The following ADAMTS18 variants were observed in gnomAD, a reference collection of about 807,000 sequenced individuals.
The protein encoded by ADAMTS18 is ADAM metallopeptidase with thrombospondin type 1 motif 18, also known as A disintegrin and metalloproteinase with thrombospondin motifs 18.
Under a neutral mutation model 165.9 loss-of-function variants are expected in ADAMTS18, and 157 were observed. The observed-to-expected ratio is 0.95, with a 90% CI of 0.83 to 1.08. The LOEUF (loss-of-function observed/expected upper bound fraction) is 1.08. Among genes scored for constraint, ADAMTS18 ranks in the 50% least tolerant of loss-of-function variants. The pLI is 0.00. For missense variants in ADAMTS18, 2,040 were observed against 1,534.0 expected (o/e 1.33, Z -5.51); for synonymous variants, 782 against 578.2 (o/e 1.35, Z -5.06).
At chr16:77,380,529 A>C (rs2057015653) in intron 3 of ADAMTS18, among the ~76,000 whole-genome samples, 1 of 152,244 alleles carries the variant, frequency 6.6e-6, no homozygotes, top group African/African-American at 2.4e-5. Context: ...ACCTCTAAGA[A>C]ACTCTTTTTA....
intron 3 of ADAMTS18, among the ~76,000 whole-genome samples, chr16:77,425,688 G>A (rs1212804916): frequency 6.6e-6 from 1 of 152,200 alleles, no homozygotes; most frequent in African/African-American, 2.4e-5. Context: ...CTTAGGAATT[G>A]CTCTTTTAGC....
intron 3 of ADAMTS18, among the ~76,000 whole-genome samples, chr16:77,388,283 G>A (rs942066446): frequency 6.6e-6 from 1 of 151,896 alleles, no homozygotes; most frequent in Admixed American, 6.6e-5. Flanking sequence ...TATTTTTATT[G>A]GAGATGGGGT....
intron 11 of ADAMTS18, among the ~76,000 whole-genome samples, chr16:77,341,305 G>C (rs2056393753): frequency 6.6e-6 from 1 of 152,116 alleles, no homozygotes; most frequent in African/African-American, 2.4e-5. Flanking sequence ...GACAGCTCCT[G>C]TGAGTTGAGC....
chr16:77,314,769 TATATATATA>T lies in ADAMTS18; in HGVS notation c.2532+5071_2532+5079del, dbSNP rs1265620933. ...CTCAGGTTTCATATATATATATATATATATATATATATATATAAAATATATGTGATATGC... is the reference window on the plus strand; with the variant it reads ...CTCAGGTTTCATATATATATATATATTATATATAAAATATATGTGATATGC... On this transcript the variant is annotated intron_variant, in intron 16 of 22. Transcript: ENST00000282849. Among the ~76,000 whole-genome samples, 42 of 88,562 alleles carry T rather than the reference TATATATATA, an allele frequency of 4.7e-4. 4 individuals are homozygous for T. The highest frequency in any genetic ancestry group is 4.8e-4 in the Non-Finnish European group (21 of 43,588). The allele number at this position is 88,562 out of a possible 152,430, so 58.1% of individuals were successfully genotyped here.
intron 20 of ADAMTS18, 29 bp downstream of exon 20, chr16:77,293,047 C>T (rs553377148): frequency 1.9e-6 from 3 of 1,613,710 alleles, no homozygotes; most frequent in East Asian, 4.5e-5. Flanking sequence ...TCTCAATCTC[C>T]TGACCCAGCA....
intron 16 of ADAMTS18, among the ~76,000 whole-genome samples, chr16:77,300,804 A>C (rs1415023141): frequency 6.6e-6 from 1 of 152,176 alleles, no homozygotes; most frequent in African/African-American, 2.4e-5. Context: ...TACCCTACAG[A>C]AAATAGTTAA....
chr16:77,348,515 G>C (rs911316417), intron 10 of ADAMTS18, among the ~76,000 whole-genome samples: 1 of 152,186 alleles, frequency 6.6e-6, no homozygotes, highest in Non-Finnish European at 1.5e-5. Context: ...TGGCATGCCT[G>C]CTCAGATATA....
intron 3 of ADAMTS18, among the ~76,000 whole-genome samples, chr16:77,375,890 CTTTTTTTTTTTTT>C (rs200629744): frequency 5.4e-4 from 51 of 93,896 alleles, no homozygotes; most frequent in African/African-American, 1.8e-3. Context: ...TCTTTCTTTC[CTTTTTTTTTTTTT>C]TTTTTTTTTT....
At chr16:77,319,826 C>T (rs761261155) in intron 16 of ADAMTS18, 23 bp downstream of exon 16, 2 of 1,613,918 alleles carry the variant, frequency 1.2e-6, no homozygotes, top group Non-Finnish European at 1.7e-6. Flanking sequence ...GCACTGAGAA[C>T]TGAATACACA....
chr16:77,300,291 C>T lies in ADAMTS18; in HGVS notation c.2646G>A (p.Gln882=). Residue 882 remains glutamine, a synonymous_variant, in exon 17 of 23, where the codon CAG becomes CAA. Transcript: ENST00000282849. ...KRPAYTWSIV[Q]SECSVSCGGG... is the part of the protein sequence containing the mutation. The stretch of plus-strand genomic sequence containing the variant: ...CACCACAGGAGACGGAGCACTCTGA[C>T]TGCACGATACTCCAGGTATAGGCAG... 6.2e-7 allele frequency: 1 copy of T among 1,614,116 alleles called. No individual in the cohort carries two copies. The highest frequency in any genetic ancestry group is 8.5e-7 in the Non-Finnish European group (1 of 1,179,992).
intron 3 of ADAMTS18, among the ~76,000 whole-genome samples, chr16:77,380,940 A>G (rs1388755953): frequency 1.3e-5 from 2 of 152,120 alleles, no homozygotes; most frequent in African/African-American, 4.8e-5. Flanking sequence ...GTGACACGAT[A>G]TCAGCTCACT....
At chr16:77,383,235 C>A (rs961603778) in intron 3 of ADAMTS18, among the ~76,000 whole-genome samples, 4 of 151,990 alleles carry the variant, frequency 2.6e-5, no homozygotes, top group Non-Finnish European at 5.9e-5. Flanking sequence ...TCCAAAGCAT[C>A]GCTTTTAACG....
chr16:77,430,178 A>AAAG (rs2057721739), intron 3 of ADAMTS18, among the ~76,000 whole-genome samples: 1 of 150,086 alleles, frequency 6.7e-6, no homozygotes, highest in Non-Finnish European at 1.5e-5. Flanking sequence ...ACAAACAAAA[A>AAAG]AACAAGATAT....
chr16:77,292,891 C>G (rs1358376667), intron 20 of ADAMTS18, 185 bp downstream of exon 20: 10 of 597,730 alleles, frequency 1.7e-5, no homozygotes, highest in Non-Finnish European at 2.6e-5. Context: ...GCAATCTCAG[C>G]TCACTGCAAA....
intron 16 of ADAMTS18, among the ~76,000 whole-genome samples, chr16:77,305,332 G>A (rs749503470): frequency 6.6e-6 from 1 of 151,880 alleles, no homozygotes; most frequent in Non-Finnish European, 1.5e-5. Context: ...AATCTCTGTG[G>A]GAAAGTTTCT....
rs763822253 is a variant in ADAMTS18 at position 77,367,522 on chromosome 16, G to A, written c.697C>T (p.Pro233Ser). The change falls in exon 4 of 23, where the codon CCC becomes TCC. Residue 233 changes from proline to serine, a missense_variant. Transcript: ENST00000282849. ...GTCTCTCGACTCTGAGATGCATGGGGAATGTGACTTGGGGAGTAACCAGGA... is the reference window on the plus strand; with the variant it reads ...GTCTCTCGACTCTGAGATGCATGGGAAATGTGACTTGGGGAGTAACCAGGA... ...NYPGYSPSHI[P>S]HASQSRETEY... 6.2e-7 allele frequency: 1 copy of A among 1,614,232 alleles called. No homozygotes were observed. Among genetic ancestry groups the A allele is most frequent in the Non-Finnish European group, 8.5e-7 (1 of 1,180,044 alleles).
At chr16:77,404,004 C>G (rs1031911705) in intron 3 of ADAMTS18, among the ~76,000 whole-genome samples, 4 of 23,832 alleles carry the variant, frequency 1.7e-4, no homozygotes, top group African/African-American at 4.6e-4. Context: ...ACCCTTCCTC[C>G]CTCCCTCCCT....
intron 3 of ADAMTS18, among the ~76,000 whole-genome samples, chr16:77,382,252 C>T (rs2057042107): frequency 6.6e-6 from 1 of 152,110 alleles, no homozygotes. Context: ...GCTCTGTTGC[C>T]CAGGCTGGAG....
chr16:77,390,588 G>T (rs999148432), intron 3 of ADAMTS18, among the ~76,000 whole-genome samples: 4 of 152,034 alleles, frequency 2.6e-5, no homozygotes, highest in African/African-American at 9.7e-5. Flanking sequence ...TACTCAGCAG[G>T]CTGAGGCAGG....
Sources: gnomAD v4.1 joint callset for allele counts (sites outside exome capture counted in the v4.1 genomes callset) on GRCh38, gnomAD v4.1.1 for gene constraint, MANE v1.5 for transcripts, NCBI Gene and HGNC (gene_info 2026-07-23, HGNC 2026-07-21) for gene names.